Variants in FAM227B observed in about 807,000 individuals in gnomAD.
FAM227B encodes the protein protein FAM227B.
In FAM227B, 88 loss-of-function variants were observed where a neutral mutation model predicts 73.8. That is an observed-to-expected ratio of 1.19 (90% CI 1.00 to 1.42). FAM227B has a LOEUF of 1.42. Among genes scored for constraint, FAM227B ranks in the 40% most tolerant of loss-of-function variants. The pLI is 0.00. For missense variants in FAM227B, 632 were observed against 590.9 expected (o/e 1.07, Z -0.72); for synonymous variants, 210 against 190.5 (o/e 1.10, Z -0.84).
intron 11 of FAM227B, among the ~76,000 whole-genome samples, chr15:49,455,430 T>C (rs556158623): frequency 6.5e-4 from 99 of 152,164 alleles, no homozygotes; most frequent in Non-Finnish European, 1.2e-3. Context: ...TTCAAACAAA[T>C]TGTATGTTTT....
intron 8 of FAM227B, among the ~76,000 whole-genome samples, chr15:49,571,126 T>C (rs2075067418): frequency 6.6e-6 from 1 of 151,714 alleles, no homozygotes; most frequent in African/African-American, 2.4e-5. Flanking sequence ...GTGATTCTAC[T>C]TTCAGTTTTT....
At chr15:49,567,848 A>G (rs1187107914) in intron 9 of FAM227B, among the ~76,000 whole-genome samples, 1 of 152,092 alleles carries the variant, frequency 6.6e-6, no homozygotes, top group African/African-American at 2.4e-5. Context: ...TTACTGTAAC[A>G]GGTGCTTAGT....
chr15:49,342,726 G>A (rs1419520183), intron 13 of FAM227B, among the ~76,000 whole-genome samples: 1 of 152,094 alleles, frequency 6.6e-6, no homozygotes, highest in African/African-American at 2.4e-5. Flanking sequence ...AGGTCTAGTG[G>A]CAATGAATTC....
chr15:49,418,624 C>A (rs2049380396), intron 11 of FAM227B, among the ~76,000 whole-genome samples: 3 of 151,970 alleles, frequency 2.0e-5, no homozygotes, highest in Admixed American at 2.0e-4. Flanking sequence ...CAGAGAACAA[C>A]AGATACTGGG....
At chr15:49,580,078 A>G (rs539577864) in intron 5 of FAM227B, among the ~76,000 whole-genome samples, 1 of 152,354 alleles carries the variant, frequency 6.6e-6, no homozygotes, top group South Asian at 2.1e-4. Flanking sequence ...AAACGAGACC[A>G]CAAAAATATA....
intron 9 of FAM227B, among the ~76,000 whole-genome samples, chr15:49,543,011 T>G (rs1451230969): frequency 6.6e-6 from 1 of 152,292 alleles, no homozygotes; most frequent in East Asian, 1.9e-4. Flanking sequence ...TCTTTTCCTC[T>G]GGGTAGATAC....
chr15:49,556,477 C>T (rs956368518), intron 9 of FAM227B, among the ~76,000 whole-genome samples: 1 of 152,164 alleles, frequency 6.6e-6, no homozygotes, highest in Admixed American at 6.5e-5. Flanking sequence ...CCACAGGCCA[C>T]AACATTCTGA....
intron 11 of FAM227B, among the ~76,000 whole-genome samples, chr15:49,477,583 T>C (rs1374242550): frequency 2.0e-5 from 3 of 152,210 alleles, no homozygotes; most frequent in Non-Finnish European, 4.4e-5. Context: ...CATTTACCTA[T>C]TGGATATGTG....
intron 5 of FAM227B, among the ~76,000 whole-genome samples, chr15:49,583,792 C>A (rs930954896): frequency 1.3e-5 from 2 of 152,016 alleles, no homozygotes; most frequent in African/African-American, 4.8e-5. Flanking sequence ...GACACATATA[C>A]CCTCCCAAGA....
chr15:49,489,496 C>G (rs1485275506), intron 11 of FAM227B: 2 of 330,466 alleles, frequency 6.1e-6, no homozygotes, highest in Non-Finnish European at 8.6e-6. Context: ...TAACAATATC[C>G]CTTTGCCTCC....
In FAM227B at chr15:49,357,033, C is replaced by T. The variant is rs1251614478; in HGVS notation, c.1271+10415G>A. On this transcript the variant is annotated intron_variant, in intron 13 of 15. Coordinates refer to ENST00000299338, the MANE Select transcript of FAM227B (RefSeq NM_152647.3). Reference sequence around the variant, plus strand: ...CAGAAATAAAGATGCTCTTTGAAACCAACGAGAACAAAGACACAACATACC... The same window carrying T: ...CAGAAATAAAGATGCTCTTTGAAACTAACGAGAACAAAGACACAACATACC... Among the ~76,000 whole-genome samples, 9 of 151,174 alleles carry T rather than the reference C, an allele frequency of 6.0e-5. No individual in the cohort carries two copies. The East Asian group carries it at 1.7e-3, about 29-fold the overall frequency.
chr15:49,489,902 A>G (rs1331383970), intron 11 of FAM227B, among the ~76,000 whole-genome samples: 1 of 31,250 alleles, frequency 3.2e-5, no homozygotes, highest in Non-Finnish European at 8.4e-5. Context: ...AGAGAGAGAG[A>G]GAGAGAGAGA....
intron 9 of FAM227B, among the ~76,000 whole-genome samples, chr15:49,544,010 T>G (rs1451481668): frequency 1.3e-5 from 2 of 152,134 alleles, no homozygotes; most frequent in African/African-American, 4.8e-5. Flanking sequence ...ATTTTAGAAT[T>G]TTTTCTAGTT....
chr15:49,554,282 G>A (rs951536748), intron 9 of FAM227B, among the ~76,000 whole-genome samples: 1 of 152,068 alleles, frequency 6.6e-6, no homozygotes, highest in African/African-American at 2.4e-5. Flanking sequence ...GGTGATGCCG[G>A]TACTCCCTTG....
At chr15:49,510,338 A>G (rs1247483000) in intron 10 of FAM227B, among the ~76,000 whole-genome samples, 1 of 152,146 alleles carries the variant, frequency 6.6e-6, no homozygotes, top group Non-Finnish European at 1.5e-5. Flanking sequence ...TAATGTGGAC[A>G]ATTGAGACTT....
At chr15:49,563,422 C>A (rs1196098965) in intron 9 of FAM227B, among the ~76,000 whole-genome samples, 1 of 152,020 alleles carries the variant, frequency 6.6e-6, no homozygotes, top group East Asian at 1.9e-4. Flanking sequence ...CTGCCCAAAG[C>A]AATCTACAAA....
intron 13 of FAM227B, among the ~76,000 whole-genome samples, chr15:49,341,115 C>A (rs2040660188): frequency 6.6e-6 from 1 of 152,086 alleles, no homozygotes; most frequent in African/African-American, 2.4e-5. Context: ...TCTGTTTCAT[C>A]AGTCTATGTG....
chr15:49,557,332 T>C (rs1243800077), intron 9 of FAM227B, among the ~76,000 whole-genome samples: 1 of 152,136 alleles, frequency 6.6e-6, no homozygotes, highest in Non-Finnish European at 1.5e-5. Context: ...GAGTTGAAAA[T>C]CCAGTCAATC....
chr15:49,535,636 C>T (rs2060951742), intron 10 of FAM227B, among the ~76,000 whole-genome samples: 1 of 151,804 alleles, frequency 6.6e-6, no homozygotes, highest in Non-Finnish European at 1.5e-5. Flanking sequence ...GTCAATTTCT[C>T]TGATGAACAA....
Sources: gnomAD v4.1 joint callset for allele counts (sites outside exome capture counted in the v4.1 genomes callset) on GRCh38, gnomAD v4.1.1 for gene constraint, MANE v1.5 for transcripts, NCBI Gene and HGNC (gene_info 2026-07-23, HGNC 2026-07-21) for gene names.